ADGRG1: variants seen among roughly 807,000 people sequenced by gnomAD.
ADGRG1 encodes the protein 7-transmembrane protein with no EGF-like N-terminal domains-1.
Under a neutral mutation model 73.5 loss-of-function variants are expected in ADGRG1, and 53 were observed. The observed-to-expected ratio is 0.72, with a 90% CI of 0.58 to 0.91. The LOEUF (loss-of-function observed/expected upper bound fraction) is 0.91, where lower values mean the gene tolerates loss of function less well. Ranked by LOEUF, ADGRG1 falls within the 40% of genes least tolerant of loss-of-function variation. The probability of loss-of-function intolerance (pLI) is 0.00; values close to 1 mark genes in which losing one functional copy is unlikely to be tolerated. For synonymous variants in ADGRG1, 394 were observed against 374.4 expected, an observed-to-expected ratio of 1.05 and a Z score of -0.60; for missense variants, 795 against 871.8, an observed-to-expected ratio of 0.91 and a Z score of 1.11.
chr16:57,631,703 G>C (rs745967729), intron 1 of ADGRG1: 12 of 985,158 alleles, frequency 1.2e-5, no homozygotes, highest in Non-Finnish European at 1.4e-5. Flanking sequence ...GGGGCGGGCT[G>C]GCACAAAGGG....
chr16:57,641,245 C>T (rs1358037519), intron 1 of ADGRG1: 12 of 959,844 alleles, frequency 1.3e-5, no homozygotes, highest in Non-Finnish European at 1.5e-5. Context: ...CTTGTCTGAA[C>T]CTTATGCCCC....
chr16:57,623,866 C>G, upstream of ADGRG1: 1 of 974,562 alleles, frequency 1.0e-6, no homozygotes, highest in Non-Finnish European at 1.2e-6. Context: ...GAACATTGGC[C>G]GCAAAACACA....
At chr16:57,650,169 T>A in intron 1 of ADGRG1, 84 bp from the exon 2 acceptor site, 2 of 1,570,476 alleles carry the variant, frequency 1.3e-6, no homozygotes, top group East Asian at 2.4e-5. Context: ...CCCACATCCA[T>A]GCCACACTGG....
At chr16:57,657,242 C>T in intron 9 of ADGRG1, 131 bp from the exon 10 acceptor site, 1 of 1,316,620 alleles carries the variant, frequency 7.6e-7, no homozygotes, top group Middle Eastern at 2.3e-4. Context: ...CCACATTCTG[C>T]TCAGTTGGGA....
chr16:57,652,752 C>G, intron 3 of ADGRG1: 1 of 1,042,464 alleles, frequency 9.6e-7, no homozygotes, highest in Non-Finnish European at 1.2e-6. Flanking sequence ...CCCAGCTAAT[C>G]CCTGGAGACA....
intron 13 of ADGRG1, chr16:57,662,871 C>T (rs981729617): frequency 2.1e-5 from 20 of 945,064 alleles, no homozygotes; most frequent in South Asian, 4.9e-5. Flanking sequence ...GGCCCAGGGG[C>T]TCTCATGGGG....
At chr16:57,659,113 G>T in intron 10 of ADGRG1, 1 of 985,312 alleles carries the variant, frequency 1.0e-6, no homozygotes, top group South Asian at 4.7e-5. Context: ...AAGTGTTTCC[G>T]CTCTGACTTT....
chr16:57,647,995 T>G (rs1567736862), intron 1 of ADGRG1: 1 of 153,612 alleles, frequency 6.5e-6, no homozygotes, highest in Admixed American at 6.5e-5. Flanking sequence ...AAGGCTCACT[T>G]TGAAGGTCAG....
At chr16:57,630,327 A>G (rs2037432123) in intron 1 of ADGRG1, 1 of 981,644 alleles carries the variant, frequency 1.0e-6, no homozygotes, top group South Asian at 4.7e-5. Context: ...CTTTCCTGCC[A>G]ATGTCCAGGT....
intron 1 of ADGRG1, among the ~76,000 whole-genome samples, chr16:57,649,600 G>T (rs1460001456): frequency 1.3e-5 from 2 of 152,104 alleles, no homozygotes; most frequent in Non-Finnish European, 2.9e-5. Context: ...GAGGGGCAAG[G>T]TGGTGACGGT....
In ADGRG1 at chr16:57,654,413, C is replaced by A. The variant is rs373386128; in HGVS notation, c.768+280C>A. On this transcript the variant is annotated intron_variant, in intron 5 of 13. Coordinates refer to ENST00000562631, the MANE Select transcript of ADGRG1 (RefSeq NM_201525.4). ...CCCCTAAACGCCTGTCCACGCACCC[C>A]CCCCCCCCGTTTTTTTTTTTTCGAG... Among the ~76,000 whole-genome samples, 851 of 69,954 alleles carry A rather than the reference C, an allele frequency of 0.012. 30 individuals are homozygous for A. Among genetic ancestry groups the A allele is most frequent in the African/African-American group, 0.032 (551 of 16,996 alleles). 45.9% of individuals were successfully genotyped at this position (69,954 alleles called of 152,430 possible).
intron 1 of ADGRG1, chr16:57,647,861 T>C (rs1335617956): frequency 4.2e-6 from 3 of 708,388 alleles, no homozygotes; most frequent in Non-Finnish European, 5.2e-6. Context: ...GCTTCACTTG[T>C]TTCCTTCCAA....
intron 1 of ADGRG1, chr16:57,646,932 G>A (rs1449096275): frequency 1.2e-5 from 12 of 985,304 alleles, no homozygotes; most frequent in Non-Finnish European, 1.4e-5. Flanking sequence ...GCCCTTGCCT[G>A]TGGGGCCGTG....
At chr16:57,641,223 T>C (rs1567705919) in intron 1 of ADGRG1, 1 of 908,282 alleles carries the variant, frequency 1.1e-6, no homozygotes, top group Non-Finnish European at 1.3e-6. Flanking sequence ...AAGATTCCAG[T>C]TGGCTGCAGA....
Position 57,663,566 on chromosome 16 carries a change from C to T in ADGRG1, c.2048C>T (p.Ser683Leu), listed in dbSNP as rs1012168637. ...ARLPISSGST[S>L]SSRI ...CTCCCCATCAGCTCGGGCAGCACCT[C>T]GTCCAGCCGCATCTAGGCCTCCAGC... The change falls in exon 14 of 14, where the codon TCG becomes TTG. Residue 683 changes from serine to leucine, a missense_variant. Physicochemically the swap from Ser to Leu is moderately radical, Grantham distance 145 (BLOSUM62 -2). Transcript: ENST00000562631. 6.9e-5 allele frequency: 112 copies of T among 1,613,382 alleles called. 1 individual carries two copies. Among genetic ancestry groups the T allele is most frequent in the Non-Finnish European group, 8.1e-5 (96 of 1,179,998 alleles).
At chr16:57,646,348 C>T (rs1405135255) in intron 1 of ADGRG1, 32 of 500,108 alleles carry the variant, frequency 6.4e-5, no homozygotes, top group Non-Finnish European at 7.7e-5. Context: ...GGGGGTGGGG[C>T]GGGGGATGGG....
intron 1 of ADGRG1, chr16:57,645,078 T>C: frequency 5.1e-6 from 5 of 985,378 alleles, no homozygotes; most frequent in Non-Finnish European, 6.0e-6. Context: ...CACACCCACA[T>C]GCCTGTGTAA....
intron 3 of ADGRG1, chr16:57,652,746 G>C (rs1221545985): frequency 3.1e-5 from 32 of 1,026,314 alleles, no homozygotes; most frequent in Non-Finnish European, 3.7e-5. Flanking sequence ...CTGAGTCCCA[G>C]CTAATCCCTG....
chr16:57,653,445 G>A (rs2044649487), intron 4 of ADGRG1, 110 bp downstream of exon 4: 2 of 1,541,056 alleles, frequency 1.3e-6, no homozygotes, highest in South Asian at 2.4e-5. Context: ...CCCTGGGACT[G>A]GAATGCTTCT....
Sources: gnomAD v4.1 joint callset for allele counts (sites outside exome capture counted in the v4.1 genomes callset) on GRCh38, gnomAD v4.1.1 for gene constraint, MANE v1.5 for transcripts, NCBI Gene and HGNC (gene_info 2026-07-23, HGNC 2026-07-21) for gene names.